DLGAP1: variants seen among roughly 807,000 people sequenced by gnomAD.
The protein encoded by DLGAP1 is disks large-associated protein 1.
DLGAP1 carries 11 observed loss-of-function variants against 90.8 expected under a neutral mutation model. That is an observed-to-expected ratio of 0.12 (90% CI 0.08 to 0.20). The LOEUF (loss-of-function observed/expected upper bound fraction) is 0.20. DLGAP1 is among the 10% of genes least tolerant of loss of function. The probability of loss-of-function intolerance (pLI) is 1.00; values close to 1 mark genes in which losing one functional copy is unlikely to be tolerated. For synonymous variants in DLGAP1, 558 were observed against 540.7 expected (o/e 1.03, Z -0.44); for missense variants, 1,050 against 1,333.8 (o/e 0.79, Z 3.31).
chr18:3,611,923 T>C (rs2057653269), intron 7 of DLGAP1, among the ~76,000 whole-genome samples: 1 of 152,258 alleles, frequency 6.6e-6, no homozygotes, highest in Non-Finnish European at 1.5e-5. Flanking sequence ...CTCCAAGCTC[T>C]GCTGCAGACC....
intron 1 of DLGAP1, among the ~76,000 whole-genome samples, chr18:4,260,419 A>G (rs1449755626): frequency 6.6e-6 from 1 of 152,112 alleles, no homozygotes; most frequent in Non-Finnish European, 1.5e-5. Flanking sequence ...CTTAAGTTTC[A>G]TTTTTCTTTA....
chr18:4,020,836 AACCTC>A (rs2074596691), intron 2 of DLGAP1, among the ~76,000 whole-genome samples: 1 of 152,222 alleles, frequency 6.6e-6, no homozygotes, highest in Non-Finnish European at 1.5e-5. Flanking sequence ...CAAGAGTCTG[AACCTC>A]CCCAGATTGC....
chr18:3,546,955 G>T (rs1255652105), intron 9 of DLGAP1, among the ~76,000 whole-genome samples: 1 of 148,628 alleles, frequency 6.7e-6, no homozygotes, highest in African/African-American at 2.6e-5. Flanking sequence ...TAATAAAATT[G>T]ATAATCTTTT....
intron 4 of DLGAP1, chr18:3,845,129 T>C (rs1290342654): frequency 2.1e-6 from 3 of 1,404,038 alleles, no homozygotes; most frequent in African/African-American, 2.8e-5. Flanking sequence ...AACATGAAAT[T>C]AACTCCAGTA....
intron 4 of DLGAP1, among the ~76,000 whole-genome samples, chr18:3,824,731 G>A (rs897256113): frequency 3.9e-5 from 6 of 152,206 alleles, no homozygotes; most frequent in East Asian, 1.9e-4. Context: ...CCTGCTTCTC[G>A]TCATCATCAT....
chr18:3,718,953 T>C lies in DLGAP1; in HGVS notation c.1591+10182A>G, dbSNP rs781747043. Among the ~76,000 whole-genome samples, 186 of 145,156 alleles carry C rather than the reference T, an allele frequency of 1.3e-3. 1 individual carries two copies. The highest frequency in any genetic ancestry group is 2.4e-3 in the Non-Finnish European group (160 of 66,364). ...AAAAAAAAAAAAAAAAAAGAAATAA[T>C]GGCTGAAAATTTCTCAAATTTGGCA... On this transcript the variant is annotated intron_variant, in intron 7 of 12. Coordinates refer to ENST00000315677, the MANE Select transcript of DLGAP1 (RefSeq NM_004746.4).
intron 2 of DLGAP1, among the ~76,000 whole-genome samples, chr18:4,019,635 G>C (rs559249942): frequency 2.3e-5 from 2 of 86,938 alleles, no homozygotes; most frequent in East Asian, 5.2e-4. Flanking sequence ...AGGTTGTTTG[G>C]GGGAATTTTT....
chr18:4,047,145 C>T (rs1372187501), intron 2 of DLGAP1, among the ~76,000 whole-genome samples: 2 of 152,176 alleles, frequency 1.3e-5, no homozygotes, highest in Non-Finnish European at 2.9e-5. Context: ...GCAAAAAGAA[C>T]ATTTATGTTG....
At chr18:3,821,934 T>A in intron 4 of DLGAP1, 1 of 985,336 alleles carries the variant, frequency 1.0e-6, no homozygotes, top group Non-Finnish European at 1.2e-6. Flanking sequence ...GAACTGCTTT[T>A]CTGCTCCACA....
chr18:4,132,669 CCTG>C (rs1485395973), intron 2 of DLGAP1, among the ~76,000 whole-genome samples: 1 of 152,126 alleles, frequency 6.6e-6, no homozygotes, highest in Non-Finnish European at 1.5e-5. Context: ...AGCCTGGTGT[CCTG>C]CTGATTTCTG....
At chr18:4,000,538 C>T (rs959971016) in intron 3 of DLGAP1, among the ~76,000 whole-genome samples, 2 of 152,146 alleles carry the variant, frequency 1.3e-5, no homozygotes, top group African/African-American at 2.4e-5. Flanking sequence ...GTTCTATTGT[C>T]GATGATTCTC....
chr18:3,990,663 T>A (rs1266625389), intron 3 of DLGAP1, among the ~76,000 whole-genome samples: 2 of 139,366 alleles, frequency 1.4e-5, no homozygotes, highest in Admixed American at 7.2e-5. Flanking sequence ...ATAATAATAA[T>A]AAAAAGAAAT....
At chr18:3,754,069 T>C (rs140816464) in intron 5 of DLGAP1, among the ~76,000 whole-genome samples, 2,964 of 152,324 alleles carry the variant, frequency 0.019, 51 homozygotes, top group Middle Eastern at 0.088. Flanking sequence ...GGCATGATCA[T>C]GGCTCACTGC....
At chr18:4,384,451 A>C (rs557065451) in intron 1 of DLGAP1, among the ~76,000 whole-genome samples, 1 of 152,300 alleles carries the variant, frequency 6.6e-6, no homozygotes, top group East Asian at 1.9e-4. Context: ...AGAATGTAAT[A>C]GCAGGGATTA....
chr18:3,579,634 G>C lies in DLGAP1; in HGVS notation c.1965+2241C>G, dbSNP rs2055372514. On this transcript the variant is annotated intron_variant, in intron 8 of 12. Transcript: ENST00000315677. ...ATATAGCACAACAAAAATGGAGAGA[G>C]AGGATGATTTTTCTTCTTTGATAGA... Among the ~76,000 whole-genome samples the C allele has an allele frequency of 2.6e-5, 4 of 152,342 alleles. No homozygotes were observed. In the South Asian group the frequency reaches 8.3e-4, roughly 32 times the overall value.
chr18:4,315,217 A>G (rs893402279), intron 1 of DLGAP1, among the ~76,000 whole-genome samples: 4 of 152,180 alleles, frequency 2.6e-5, no homozygotes, highest in African/African-American at 9.7e-5. Flanking sequence ...GGTTGAAAGA[A>G]GGTGTTTATA....
intron 1 of DLGAP1, among the ~76,000 whole-genome samples, chr18:4,167,271 C>T (rs537275149): frequency 1.4e-4 from 21 of 152,010 alleles, no homozygotes; most frequent in African/African-American, 4.3e-4. Flanking sequence ...AAACATGGCC[C>T]TACTATATGC....
At chr18:4,015,848 T>C (rs147025046) in intron 2 of DLGAP1, among the ~76,000 whole-genome samples, 392 of 152,350 alleles carry the variant, frequency 2.6e-3, no homozygotes, top group African/African-American at 7.9e-3. Flanking sequence ...TATTTATATC[T>C]CTATCCATCA....
At chr18:3,795,119 T>A (rs556728739) in intron 5 of DLGAP1, among the ~76,000 whole-genome samples, 1 of 152,278 alleles carries the variant, frequency 6.6e-6, no homozygotes, top group South Asian at 2.1e-4. Context: ...TGGACATATA[T>A]AACTCATTCT....
Sources: allele counts gnomAD v4.1 joint callset (sites outside exome capture counted in the v4.1 genomes callset), GRCh38; gene constraint gnomAD v4.1.1; transcripts MANE v1.5; gene names NCBI Gene and HGNC (gene_info 2026-07-23, HGNC 2026-07-21).